Variants in CNR1 observed in about 807,000 individuals in gnomAD.
CNR1 encodes cannabinoid receptor 1, also known as cannabinoid receptor 1 (brain).
CNR1 carries 10 observed loss-of-function variants against 23.0 expected under a neutral mutation model. The observed-to-expected ratio is 0.43, with a 90% CI of 0.27 to 0.74. The LOEUF is 0.74. CNR1 is among the 30% of genes least tolerant of loss of function. The pLI is 0.19. For missense variants in CNR1, 422 were observed against 618.8 expected (o/e 0.68, Z 3.37); for synonymous variants, 271 against 255.2 (o/e 1.06, Z -0.59).
intron 1 of CNR1, among the ~76,000 whole-genome samples, chr6:88,160,387 A>G (rs1219655067): frequency 6.6e-6 from 1 of 151,738 alleles, no homozygotes; most frequent in Admixed American, 6.6e-5. Flanking sequence ...AAACGTCCAT[A>G]TAAGTAGAAA....
At position 88,144,780 on chromosome 6, in the gene CNR1, C is replaced by T. The variant is rs539485363; in HGVS notation, c.495G>A (p.Leu165=). 4 of 1,614,136 alleles carry T rather than the reference C, an allele frequency of 2.5e-6. No individual in the cohort carries two copies. The Middle Eastern group carries it at 4.9e-4, about 200-fold the overall frequency. The change falls in exon 2 of 2, where the codon CTG becomes CTA. Residue 165 remains leucine (L), a synonymous_variant. Coordinates refer to ENST00000369501, the MANE Select transcript of CNR1 (RefSeq NM_016083.6). The surrounding 1 kb of genome is among the most constrained non-coding windows in gnomAD (Gnocchi z 7.8). ...FIGSLAVADL[L]GSVIFVYSFI... ...AGCTGTAGACAAAAATGACACTCCC[C>T]AGGAGGTCTGCCACCGCCAGGCTGC...
intron 1 of CNR1, chr6:88,147,564 A>T (rs147464170): frequency 6.6e-6 from 1 of 152,332 alleles, no homozygotes; most frequent in East Asian, 1.9e-4. Context: ...TAGTGTCATG[A>T]TTCTTAAGAA....
At position 88,143,610 on chromosome 6, in the gene CNR1, G is replaced by A. The variant is rs1420895781; in HGVS notation, c.*246C>T. The stretch of plus-strand genomic sequence containing the variant: ...CCAAAGGTTTCCCTCCTATTTCATT[G>A]AGACTTTGAAGGATCGTTCAGTCAC... On this transcript the variant is annotated 3_prime_UTR_variant, in exon 2 of 2. Transcript: ENST00000369501. 2 of 407,364 alleles carry A rather than the reference G, an allele frequency of 4.9e-6. No individual in the cohort carries two copies. Among genetic ancestry groups the A allele is most frequent in the Non-Finnish European group, 8.7e-6 (2 of 228,746 alleles). 25.2% of individuals were successfully genotyped at this position (407,364 alleles called of 1,614,324 possible).
rs1777055039 is a variant in CNR1 at position 88,144,726 on chromosome 6, T to C, written c.549A>G (p.Lys183=). Residue 183 remains lysine (K), a synonymous_variant, in exon 2 of 2, where the codon AAA becomes AAG. Transcript: ENST00000369501. The surrounding 1 kb of genome is among the most constrained non-coding windows in gnomAD (Gnocchi z 7.8). ...SFIDFHVFHR[K]DSRNVFLFKL... is the part of the protein sequence containing the mutation. ...TGAACAGAAACACGTTGCGGCTATC[T>C]TTGCGGTGGAACACGTGGAAGTCAA... The C allele has an allele frequency of 3.1e-6, 5 of 1,614,030 alleles. No homozygotes were observed. Among genetic ancestry groups the C allele is most frequent in the African/African-American group, 1.3e-5 (1 of 74,924 alleles).
chr6:88,159,878 T>G (rs1777995666), intron 1 of CNR1, among the ~76,000 whole-genome samples: 1 of 152,220 alleles, frequency 6.6e-6, no homozygotes, highest in Non-Finnish European at 1.5e-5. Flanking sequence ...CAGATCATAG[T>G]GGCATTAAGT....
intron 1 of CNR1, among the ~76,000 whole-genome samples, chr6:88,158,795 T>C (rs543373803): frequency 2.6e-5 from 4 of 152,224 alleles, no homozygotes; most frequent in Non-Finnish European, 5.9e-5. Flanking sequence ...TTTTAGATCA[T>C]TGAAACAGAT....
At chr6:88,152,838 T>C (rs1777598507) in intron 1 of CNR1, among the ~76,000 whole-genome samples, 1 of 152,226 alleles carries the variant, frequency 6.6e-6, no homozygotes, top group Non-Finnish European at 1.5e-5. Context: ...TCATTACTAA[T>C]ACGGCTTAGG....
chr6:88,164,963 C>G (rs1778295266), intron 1 of CNR1, among the ~76,000 whole-genome samples: 1 of 152,026 alleles, frequency 6.6e-6, no homozygotes, highest in Non-Finnish European at 1.5e-5. Context: ...ATCAGGAAAT[C>G]AACAACAAAG....
chr6:88,161,997 A>C (rs6914429), intron 1 of CNR1, among the ~76,000 whole-genome samples: 15,135 of 152,258 alleles, frequency 0.099, 816 homozygotes, highest in Non-Finnish European at 0.12. Context: ...AGGATTGGCT[A>C]AAAAGAAACT....
At chr6:88,155,659 G>A (rs1451040839) in intron 1 of CNR1, among the ~76,000 whole-genome samples, 1 of 152,206 alleles carries the variant, frequency 6.6e-6, no homozygotes. Context: ...AAAATCTGAA[G>A]GAATGATCTG....
rs773478911 is a variant in CNR1 at position 88,144,266 on chromosome 6, T to C, written c.1009A>G (p.Met337Val). 2.5e-5 allele frequency: 41 copies of C among 1,611,130 alleles called. No homozygotes were observed. Among genetic ancestry groups the C allele is most frequent in the Non-Finnish European group, 3.3e-5 (39 of 1,179,996 alleles). ...VQVTRPDQAR[M>V]DIRLAKTLVL... ...AGGGTCTTGGCTAACCTAATGTCCA[T>C]GCGGGCTTGGTCTGGCCGGGTCACC... is the stretch of plus-strand genomic sequence containing the variant. Residue 337 changes from methionine to valine, a missense_variant, in exon 2 of 2, where the codon ATG becomes GTG. Coordinates refer to ENST00000369501, the MANE Select transcript of CNR1 (RefSeq NM_016083.6). This position sits in a 1 kb window ranked among gnomAD's most constrained non-coding sequence, Gnocchi z 7.8.
intron 1 of CNR1, among the ~76,000 whole-genome samples, chr6:88,164,960 A>C (rs758981653): frequency 2.6e-5 from 4 of 152,230 alleles, no homozygotes; most frequent in Non-Finnish European, 5.9e-5. Context: ...TATATCAGGA[A>C]ATCAACAACA....
chr6:88,159,373 C>T (rs1777966215), intron 1 of CNR1, among the ~76,000 whole-genome samples: 2 of 152,178 alleles, frequency 1.3e-5, no homozygotes, highest in African/African-American at 4.8e-5. Flanking sequence ...TACAGAATTA[C>T]TCTGGTAATT....
chr6:88,146,168 C>A (rs528353094), intron 1 of CNR1, among the ~76,000 whole-genome samples: 2 of 151,980 alleles, frequency 1.3e-5, no homozygotes, highest in Non-Finnish European at 1.5e-5. Flanking sequence ...TGCAGTGGCA[C>A]GATCTGGGCT....
At chr6:88,150,626 C>T (rs558650844) in intron 1 of CNR1, among the ~76,000 whole-genome samples, 34 of 152,290 alleles carry the variant, frequency 2.2e-4, no homozygotes, top group African/African-American at 7.7e-4. Flanking sequence ...TCATCTTTTG[C>T]TATTAGAAAT....
In CNR1 at chr6:88,144,880, A is replaced by G; in HGVS notation, c.395T>C (p.Leu132Pro). The change falls in exon 2 of 2, where the codon CTG becomes CCG. Residue 132 changes from leucine to proline, a missense_variant. Transcript: ENST00000369501. This position sits in a 1 kb window ranked among gnomAD's most constrained non-coding sequence, Gnocchi z 7.8. ...GACGCACAGCACCAGGAGGTTCTCC[A>G]GGACCGTGAAGGTGCCCAGCGTGAG... is the stretch of plus-strand genomic sequence containing the variant. Reference protein sequence around the residue: ...LSLTLGTFTVLENLLVLCVIL... With the variant: ...LSLTLGTFTVPENLLVLCVIL... The G allele has an allele frequency of 6.2e-7, 1 of 1,614,220 alleles. No homozygotes were observed. Among genetic ancestry groups the G allele is most frequent in the Non-Finnish European group, 8.5e-7 (1 of 1,180,030 alleles).
At chr6:88,153,119 A>T (rs1777615963) in intron 1 of CNR1, among the ~76,000 whole-genome samples, 1 of 152,180 alleles carries the variant, frequency 6.6e-6, no homozygotes, top group Non-Finnish European at 1.5e-5. Context: ...TAAATCCATT[A>T]TTTTTAAAAA....
intron 1 of CNR1, among the ~76,000 whole-genome samples, chr6:88,147,051 G>A (rs1438714518): frequency 2.0e-5 from 3 of 152,124 alleles, no homozygotes; most frequent in Admixed American, 6.5e-5. Flanking sequence ...CCAGCACTTT[G>A]GGAGGCTGAG....
At chr6:88,157,512 T>A (rs939664783) in intron 1 of CNR1, among the ~76,000 whole-genome samples, 1 of 152,214 alleles carries the variant, frequency 6.6e-6, no homozygotes, top group Non-Finnish European at 1.5e-5. Context: ...AAAACTAAAT[T>A]TCTAATTACT....
Sources: allele counts gnomAD v4.1 joint callset (sites outside exome capture counted in the v4.1 genomes callset), GRCh38; gene constraint gnomAD v4.1.1; non-coding constraint Gnocchi (gnomAD v3.1); transcripts MANE v1.5; gene names NCBI Gene and HGNC (gene_info 2026-07-23, HGNC 2026-07-21).